Variants in FAM193A observed in about 807,000 individuals in gnomAD.
FAM193A encodes the protein protein FAM193A.
In FAM193A, 22 loss-of-function variants were observed where a neutral mutation model predicts 126.5. That is an observed-to-expected ratio of 0.17 (90% confidence interval 0.12 to 0.25). FAM193A has a LOEUF of 0.25. Ranked by LOEUF, FAM193A falls within the 10% of genes least tolerant of loss-of-function variation. The probability of loss-of-function intolerance (pLI) is 1.00; values close to 1 mark genes in which losing one functional copy is unlikely to be tolerated. For missense variants in FAM193A, 1,675 were observed against 1,672.8 expected, an observed-to-expected ratio of 1.00 and a Z score of -0.02; for synonymous variants, 761 against 646.8, an observed-to-expected ratio of 1.18 and a Z score of -2.68.
chr4:2,535,390 G>A (rs1736825511), upstream of FAM193A, among the ~76,000 whole-genome samples: 1 of 152,204 alleles, frequency 6.6e-6, no homozygotes, highest in Non-Finnish European at 1.5e-5. Flanking sequence ...GGGGACCCAG[G>A]ACGAACAGTA....
At chr4:2,679,921 A>T (rs961220700) in intron 13 of FAM193A, among the ~76,000 whole-genome samples, 1 of 151,304 alleles carries the variant, frequency 6.6e-6, no homozygotes, top group African/African-American at 2.4e-5. Context: ...ATGCAGTGGC[A>T]CAATCTCCAC....
intron 13 of FAM193A, among the ~76,000 whole-genome samples, chr4:2,685,693 G>A (rs1359575568): frequency 1.3e-5 from 2 of 152,190 alleles, no homozygotes; most frequent in Non-Finnish European, 2.9e-5. Flanking sequence ...AACCTCTCAC[G>A]TGTGGGCCTC....
intron 15 of FAM193A, 25 bp downstream of exon 15, chr4:2,690,995 C>G (rs1429983492): frequency 1.3e-6 from 2 of 1,591,626 alleles, no homozygotes; most frequent in East Asian, 2.2e-5. Context: ...CTCACTGGCC[C>G]TCGGGGTCTG....
intron 17 of FAM193A, among the ~76,000 whole-genome samples, chr4:2,695,789 C>T: frequency 6.6e-6 from 1 of 152,086 alleles, no homozygotes; most frequent in Admixed American, 6.6e-5. Context: ...CAGGTAGAGG[C>T]CAAGCATAGT....
At chr4:2,637,442 A>G (rs1744194846) in intron 5 of FAM193A, among the ~76,000 whole-genome samples, 1 of 152,224 alleles carries the variant, frequency 6.6e-6, no homozygotes, top group African/African-American at 2.4e-5. Flanking sequence ...ACCAGGCTAT[A>G]ATAGTGAAGT....
chr4:2,601,267 C>T (rs1221450332), intron 2 of FAM193A, among the ~76,000 whole-genome samples: 1 of 119,896 alleles, frequency 8.3e-6, no homozygotes, highest in Non-Finnish European at 1.6e-5. Context: ...GAGTTTCTCT[C>T]TGTCGCCCAG....
chr4:2,575,465 ATTTT>A (rs33996164), intron 1 of FAM193A, among the ~76,000 whole-genome samples: 7 of 135,348 alleles, frequency 5.2e-5, no homozygotes, highest in Non-Finnish European at 4.8e-5. Flanking sequence ...AGATACTGGG[ATTTT>A]TTTTTTTTTT....
chr4:2,592,388 T>C lies in FAM193A; in HGVS notation c.256-3696T>C, dbSNP rs571235671. The stretch of plus-strand genomic sequence containing the variant: ...CAGGTGTGAGCCACCGCGCCCAGCC[T>C]GCTACATTTATTTTTTAAAAATATC... On this transcript the variant is annotated intron_variant, in intron 1 of 20. Coordinates refer to ENST00000637812, the MANE Select transcript of FAM193A (RefSeq NM_001366318.2). Among the ~76,000 whole-genome samples the C allele has an allele frequency of 3.3e-5, 5 of 152,292 alleles. No homozygotes were observed. The South Asian group carries it at 8.3e-4, about 25-fold the overall frequency.
intron 18 of FAM193A, among the ~76,000 whole-genome samples, chr4:2,698,179 C>G (rs555194598): frequency 2.0e-5 from 3 of 152,224 alleles, no homozygotes; most frequent in Admixed American, 2.0e-4. Flanking sequence ...GACTCTGTCC[C>G]GTAGCAGGTC....
chr4:2,713,321 G>T (rs951299951), intron 19 of FAM193A, among the ~76,000 whole-genome samples: 7 of 151,884 alleles, frequency 4.6e-5, no homozygotes, highest in Non-Finnish European at 1.0e-4. Flanking sequence ...CAGGAGAATT[G>T]CTTGAACCCA....
intron 12 of FAM193A, among the ~76,000 whole-genome samples, chr4:2,669,313 G>C (rs13141245): frequency 2.0e-5 from 3 of 151,912 alleles, no homozygotes; most frequent in Admixed American, 6.6e-5. Flanking sequence ...TCTTTATTTT[G>C]CCTTCATTTT....
chr4:2,693,954 C>G, intron 16 of FAM193A, 80 bp downstream of exon 16: 1 of 1,412,862 alleles, frequency 7.1e-7, no homozygotes. Flanking sequence ...TACAGAAACT[C>G]CCCTGGGACC....
intron 2 of FAM193A, among the ~76,000 whole-genome samples, chr4:2,601,227 C>CTTTTTTTTTTT (rs1201989388): frequency 4.5e-5 from 5 of 110,666 alleles, no homozygotes; most frequent in Non-Finnish European, 5.3e-5. Flanking sequence ...TCTTCTTCTT[C>CTTTTTTTTTTT]TTTTTTTTTT....
intron 2 of FAM193A, among the ~76,000 whole-genome samples, chr4:2,607,155 C>G (rs527910515): frequency 1.7e-4 from 26 of 152,154 alleles, no homozygotes; most frequent in African/African-American, 6.3e-4. Context: ...CACTTCGTCA[C>G]GCAGAATATT....
chr4:2,610,638 A>G (rs942675426), intron 2 of FAM193A, among the ~76,000 whole-genome samples: 1 of 152,158 alleles, frequency 6.6e-6, no homozygotes, highest in Non-Finnish European at 1.5e-5. Flanking sequence ...AATCCATTGT[A>G]TGGATAAACC....
chr4:2,639,053 CA>C (rs1476605809), intron 5 of FAM193A, among the ~76,000 whole-genome samples: 3 of 152,130 alleles, frequency 2.0e-5, no homozygotes, highest in African/African-American at 7.2e-5. Context: ...ATGGTTGTAG[CA>C]AGACTTATTA....
At chr4:2,614,475 G>A (rs6830472) in intron 2 of FAM193A, among the ~76,000 whole-genome samples, 32,227 of 151,988 alleles carry the variant, frequency 0.21, 3,556 homozygotes, top group East Asian at 0.35. Context: ...TGGTTGTGAT[G>A]TATTATCCTT....
At position 2,564,707 on chromosome 4, in the gene FAM193A, A is replaced by G. The variant is rs559650163; in HGVS notation, c.255+27537A>G. 2.0e-5 allele frequency among the ~76,000 whole-genome samples: 3 copies of G among 152,338 alleles called. No homozygotes were observed. The South Asian group carries it at 6.2e-4, about 32-fold the overall frequency. On this transcript the variant is annotated intron_variant, in intron 1 of 20. Transcript: ENST00000637812. ...CAGCAAATATTTTTGGAGTATTCAT[A>G]GAATCAATTCCAGGAGATTTGGAAG...
At chr4:2,651,620 C>T (rs1297866297) in intron 7 of FAM193A, among the ~76,000 whole-genome samples, 1 of 152,170 alleles carries the variant, frequency 6.6e-6, no homozygotes, top group Non-Finnish European at 1.5e-5. Context: ...AGGTTCCTCC[C>T]CTGACATGTG....
Sources: allele counts gnomAD v4.1 joint callset (sites outside exome capture counted in the v4.1 genomes callset), GRCh38; gene constraint gnomAD v4.1.1; transcripts MANE v1.5; gene names NCBI Gene and HGNC (gene_info 2026-07-23, HGNC 2026-07-21).